The following IPMK variants were observed in gnomAD, a reference collection of about 807,000 sequenced individuals.
The protein encoded by IPMK is inositol polyphosphate multikinase.
A neutral mutation model predicts 45.8 loss-of-function variants in IPMK; 17 were observed. The ratio of observed to expected loss-of-function variants is 0.37; its 90% CI spans 0.25 to 0.56. The LOEUF is 0.56. IPMK is among the 20% of genes least tolerant of loss of function. IPMK has a pLI of 0.79. For missense variants in IPMK, 399 were observed against 498.0 expected (o/e 0.80, Z 1.89); for synonymous variants, 180 against 184.3 (o/e 0.98, Z 0.19).
intron 1 of IPMK, among the ~76,000 whole-genome samples, chr10:58,259,753 T>C (rs1839033741): frequency 6.7e-6 from 1 of 149,864 alleles, no homozygotes; most frequent in Non-Finnish European, 1.5e-5. Flanking sequence ...GGTGGGAGGA[T>C]CACTTGAGCC....
intron 1 of IPMK, among the ~76,000 whole-genome samples, chr10:58,240,657 G>GAAAAAAA (rs200716414): frequency 2.6e-5 from 3 of 114,042 alleles, no homozygotes; most frequent in South Asian, 2.8e-4. Flanking sequence ...CATACACCAC[G>GAAAAAAA]AAAAAAAAAA....
intron 1 of IPMK, among the ~76,000 whole-genome samples, chr10:58,262,713 A>G (rs949104289): frequency 6.6e-6 from 1 of 152,212 alleles, no homozygotes; most frequent in Non-Finnish European, 1.5e-5. Context: ...CAAATTTGGG[A>G]CCATTTGAGC....
Position 58,212,849 on chromosome 10 carries a change from T to C in IPMK, c.546+3296A>G, listed in dbSNP as rs376708236. 1.0e-4 allele frequency: 23 copies of C among 230,630 alleles called. No homozygotes were observed. The East Asian group carries it at 2.5e-3, about 25-fold the overall frequency. The allele number at this position is 230,630 out of a possible 1,614,324, so 14.3% of individuals were successfully genotyped here. A position where few individuals can be genotyped will look rare whatever the true frequency, so the allele number is the denominator to read the frequency against. The stretch of plus-strand genomic sequence containing the variant: ...TCAACAGTGATAACTGTGGTTTTGG[T>C]ACCTTTGCCCTCGGGACCTTCAGCA... On this transcript the variant is annotated intron_variant, in intron 4 of 5. Coordinates refer to ENST00000373935, the MANE Select transcript of IPMK (RefSeq NM_152230.5).
chr10:58,231,971 G>A (rs778858780), intron 2 of IPMK, among the ~76,000 whole-genome samples: 9 of 152,062 alleles, frequency 5.9e-5, no homozygotes, highest in Non-Finnish European at 1.3e-4. Flanking sequence ...CAAAATAAAG[G>A]GATGGAGGAG....
chr10:58,242,098 T>C (rs1407886477), intron 1 of IPMK, among the ~76,000 whole-genome samples: 1 of 151,978 alleles, frequency 6.6e-6, no homozygotes, highest in Non-Finnish European at 1.5e-5. Flanking sequence ...AGGAAAATAA[T>C]ACCGTCAACA....
intron 4 of IPMK, 132 bp downstream of exon 4, chr10:58,216,013 T>C: frequency 1.6e-6 from 1 of 611,562 alleles, no homozygotes; most frequent in East Asian, 3.2e-5. Flanking sequence ...CTTTTCACAT[T>C]GGGGAGTTAC....
intron 1 of IPMK, among the ~76,000 whole-genome samples, chr10:58,240,690 G>A (rs1588966355): frequency 6.7e-6 from 1 of 150,226 alleles, no homozygotes; most frequent in South Asian, 2.1e-4. Flanking sequence ...TGAGAGCACT[G>A]ACTCACCCAT....
intron 1 of IPMK, among the ~76,000 whole-genome samples, chr10:58,239,672 G>A (rs905047977): frequency 6.6e-6 from 1 of 152,200 alleles, no homozygotes; most frequent in Non-Finnish European, 1.5e-5. Flanking sequence ...CCTCACGTTT[G>A]AGAAGACAGA....
chr10:58,230,424 G>A (rs902523361), intron 2 of IPMK, among the ~76,000 whole-genome samples: 5 of 152,172 alleles, frequency 3.3e-5, no homozygotes, highest in Non-Finnish European at 7.3e-5. Flanking sequence ...ACCTCATATA[G>A]GCGGCTGCCC....
intron 2 of IPMK, among the ~76,000 whole-genome samples, chr10:58,234,865 C>T (rs886384865): frequency 2.6e-5 from 4 of 152,176 alleles, no homozygotes; most frequent in African/African-American, 7.2e-5. Context: ...AAACTACCAT[C>T]AGAGTGAACA....
At chr10:58,262,140 T>C (rs1459770887) in intron 1 of IPMK, among the ~76,000 whole-genome samples, 3 of 152,286 alleles carry the variant, frequency 2.0e-5, no homozygotes, top group South Asian at 2.1e-4. Flanking sequence ...AAATACCTAA[T>C]GTAAATGACT....
At chr10:58,198,193 T>C (rs1260111167) in intron 5 of IPMK, among the ~76,000 whole-genome samples, 1 of 152,238 alleles carries the variant, frequency 6.6e-6, no homozygotes, top group East Asian at 1.9e-4. Context: ...TTGCTCTCAA[T>C]AATATTGATT....
chr10:58,249,975 T>C (rs775779756), intron 1 of IPMK, among the ~76,000 whole-genome samples: 7 of 152,222 alleles, frequency 4.6e-5, no homozygotes, highest in Non-Finnish European at 8.8e-5. Context: ...TTAGCACCTT[T>C]GCCAAAAATC....
intron 4 of IPMK, among the ~76,000 whole-genome samples, chr10:58,205,001 A>C (rs1038018713): frequency 6.6e-6 from 1 of 152,182 alleles, no homozygotes; most frequent in Non-Finnish European, 1.5e-5. Flanking sequence ...CTATCAACAA[A>C]TGGTGCTGGG....
chr10:58,252,009 C>T (rs1838887344), intron 1 of IPMK, among the ~76,000 whole-genome samples: 1 of 152,190 alleles, frequency 6.6e-6, no homozygotes, highest in Non-Finnish European at 1.5e-5. Flanking sequence ...TTACTACTGC[C>T]ATTTTGTTAG....
chr10:58,255,155 G>A (rs1005815235), intron 1 of IPMK, among the ~76,000 whole-genome samples: 8 of 152,302 alleles, frequency 5.3e-5, no homozygotes, highest in Admixed American at 5.2e-4. Context: ...CTTCAACGTG[G>A]TTTCCCAGGT....
chr10:58,259,125 T>C lies in IPMK; in HGVS notation c.190+8297A>G, dbSNP rs555292827. On this transcript the variant is annotated intron_variant, in intron 1 of 5. Transcript: ENST00000373935. ...ATGAAATACATTTCTTAGTCCAGTC[T>C]GTGAATGGACAAACAGCAATCACAC... 3.9e-5 allele frequency among the ~76,000 whole-genome samples: 6 copies of C among 152,298 alleles called. No individual in the cohort carries two copies. In the East Asian group the frequency reaches 1.2e-3, roughly 29 times the overall value.
chr10:58,199,504 T>A (rs534473494), intron 4 of IPMK, among the ~76,000 whole-genome samples, 183 bp from the exon 5 acceptor site: 2 of 151,900 alleles, frequency 1.3e-5, no homozygotes, highest in African/African-American at 4.8e-5. Flanking sequence ...AAATTTAACA[T>A]CCACTACTGA....
chr10:58,212,178 TC>T (rs1233086097), intron 4 of IPMK, among the ~76,000 whole-genome samples: 30 of 152,078 alleles, frequency 2.0e-4, no homozygotes, highest in African/African-American at 6.8e-4. Context: ...ATATTCCAGT[TC>T]CAGAAGTAGT....
Sources: allele counts gnomAD v4.1 joint callset (sites outside exome capture counted in the v4.1 genomes callset), GRCh38; gene constraint gnomAD v4.1.1; transcripts MANE v1.5; gene names NCBI Gene and HGNC (gene_info 2026-07-23, HGNC 2026-07-21).